The following KATNAL1 variants were observed in gnomAD, a reference collection of about 807,000 sequenced individuals.
The protein encoded by KATNAL1 is katanin catalytic subunit A1 like 1.
Under a neutral mutation model 55.2 loss-of-function variants are expected in KATNAL1, and 32 were observed. The observed-to-expected ratio is 0.58, with a 90% CI of 0.44 to 0.78. The LOEUF (loss-of-function observed/expected upper bound fraction) is 0.78. KATNAL1 is among the 30% of genes least tolerant of loss of function. The pLI is 0.00. For missense variants in KATNAL1, 466 were observed against 600.9 expected, an observed-to-expected ratio of 0.78 and a Z score of 2.35; for synonymous variants, 193 against 193.6, an observed-to-expected ratio of 1.00 and a Z score of 0.02.
chr13:30,212,494 G>A (rs957569115), intron 9 of KATNAL1, among the ~76,000 whole-genome samples: 18 of 152,194 alleles, frequency 1.2e-4, no homozygotes, highest in African/African-American at 3.6e-4. Context: ...AGCTCCAGCC[G>A]AGCTCAGCCT....
intron 3 of KATNAL1, among the ~76,000 whole-genome samples, chr13:30,269,213 C>T (rs1421363479): frequency 6.6e-6 from 1 of 152,242 alleles, no homozygotes; most frequent in Non-Finnish European, 1.5e-5. Context: ...TGCTGAGTGC[C>T]TGCGATTGCA....
intron 4 of KATNAL1, among the ~76,000 whole-genome samples, chr13:30,255,012 C>T (rs1057338867): frequency 1.3e-5 from 2 of 152,292 alleles, no homozygotes; most frequent in Middle Eastern, 3.4e-3. Context: ...TCTTGTTCTA[C>T]TATAATCTAC....
chr13:30,242,422 C>G (rs919416075), intron 4 of KATNAL1, among the ~76,000 whole-genome samples: 1 of 152,168 alleles, frequency 6.6e-6, no homozygotes, highest in Non-Finnish European at 1.5e-5. Context: ...ACGTGCAATA[C>G]ATGCTATTGT....
intron 9 of KATNAL1, among the ~76,000 whole-genome samples, chr13:30,212,823 C>G (rs892468626): frequency 6.6e-6 from 1 of 152,026 alleles, no homozygotes; most frequent in Non-Finnish European, 1.5e-5. Context: ...AAACCATGTC[C>G]CTCAAAATTT....
rs370213563 is a variant in KATNAL1, at chr13:30,306,000, G to T, written c.-15+1331C>A. On this transcript the variant is annotated intron_variant, in intron 1 of 10. Transcript: ENST00000380615. ...GCAACCTCAAGTAAAATTTACACAG[G>T]TCAACTTCATTTTAATTAAGAGAAA... 1.4e-4 allele frequency among the ~76,000 whole-genome samples: 22 copies of T among 152,218 alleles called. No homozygotes were observed. In the East Asian group the frequency reaches 3.9e-3, roughly 27 times the overall value.
intron 3 of KATNAL1, among the ~76,000 whole-genome samples, chr13:30,270,497 A>G (rs1880245537): frequency 6.6e-6 from 1 of 152,224 alleles, no homozygotes; most frequent in Non-Finnish European, 1.5e-5. Flanking sequence ...AAGGTGGGGA[A>G]AAGATTGAGA....
intron 1 of KATNAL1, among the ~76,000 whole-genome samples, chr13:30,286,144 C>A (rs1881769486): frequency 6.6e-6 from 1 of 152,152 alleles, no homozygotes. Flanking sequence ...AAAGAAAAAC[C>A]CATTTTCTGG....
intron 9 of KATNAL1, among the ~76,000 whole-genome samples, chr13:30,224,396 G>A (rs1875225327): frequency 1.3e-5 from 2 of 151,902 alleles, no homozygotes; most frequent in Non-Finnish European, 2.9e-5. Context: ...AATTAGCCAG[G>A]CACAGTGACA....
Position 30,206,432 on chromosome 13 carries a change from C to T in KATNAL1, c.*2108G>A, listed in dbSNP as rs1873156701. On this transcript the variant is annotated 3_prime_UTR_variant, in exon 11 of 11. Transcript: ENST00000380615. ...AGAAACAAGGGAAATAAAAAGCACA[C>T]CTGACTCACTTAACATAGTAAAGTT... The T allele has an allele frequency of 6.6e-6, 1 of 152,070 alleles. No homozygotes were observed. Among genetic ancestry groups the T allele is most frequent in the Admixed American group, 6.5e-5 (1 of 15,274 alleles). The allele number at this position is 152,070 out of a possible 1,614,324, so 9.4% of individuals were successfully genotyped here. A position where few individuals can be genotyped will look rare whatever the true frequency, so the allele number is the denominator to read the frequency against.
At chr13:30,305,961 CCTT>C (rs1883150850) in intron 1 of KATNAL1, among the ~76,000 whole-genome samples, 2 of 152,192 alleles carry the variant, frequency 1.3e-5, no homozygotes, top group Admixed American at 6.5e-5. Context: ...TCCATCTCCT[CCTT>C]GTACAAAATT....
intron 3 of KATNAL1, among the ~76,000 whole-genome samples, chr13:30,279,155 C>T (rs754715393): frequency 2.0e-5 from 3 of 152,188 alleles, no homozygotes; most frequent in Non-Finnish European, 4.4e-5. Flanking sequence ...AAACTCACAT[C>T]CTGATCTAGC....
At chr13:30,298,207 A>G (rs1454357520) in intron 1 of KATNAL1, among the ~76,000 whole-genome samples, 1 of 152,228 alleles carries the variant, frequency 6.6e-6, no homozygotes, top group Non-Finnish European at 1.5e-5. Flanking sequence ...CAAAGCCCAC[A>G]GTATCTCTCA....
intron 3 of KATNAL1, among the ~76,000 whole-genome samples, chr13:30,270,927 TA>T (rs112902595): frequency 0.037 from 4,872 of 132,790 alleles, 187 homozygotes; most frequent in African/African-American, 0.11. Flanking sequence ...AATAATAAAA[TA>T]AAAAAAAAAA....
chr13:30,273,835 G>C lies in KATNAL1; in HGVS notation c.323+6228C>G, dbSNP rs138445523. On this transcript the variant is annotated intron_variant, in intron 3 of 10. Transcript: ENST00000380615. ...GAATCCTAATCTCTCTCAAAGTCTG[G>C]TTCTCATTTCTAACTCCTATTCAAC... Among the ~76,000 whole-genome samples the C allele has an allele frequency of 5.4e-4, 82 of 152,158 alleles. No individual in the cohort carries two copies. The East Asian group carries it at 0.014, about 27-fold the overall frequency.
chr13:30,257,090 A>C (rs1878858589), intron 3 of KATNAL1, among the ~76,000 whole-genome samples: 1 of 152,218 alleles, frequency 6.6e-6, no homozygotes, highest in Admixed American at 6.5e-5. Flanking sequence ...ATAAAATAAA[A>C]ATGTGACGAG....
chr13:30,283,880 T>A, intron 1 of KATNAL1, 89 bp from the exon 2 acceptor site: 1 of 748,704 alleles, frequency 1.3e-6, no homozygotes, highest in South Asian at 2.8e-5. Context: ...AAAACTACTT[T>A]TTTTTTTTTT....
chr13:30,211,718 A>T (rs1873707993), intron 9 of KATNAL1, among the ~76,000 whole-genome samples: 1 of 152,242 alleles, frequency 6.6e-6, no homozygotes, highest in Non-Finnish European at 1.5e-5. Context: ...TAACGGGCAG[A>T]TACCAAAATG....
intron 1 of KATNAL1, among the ~76,000 whole-genome samples, chr13:30,305,126 A>C (rs1352136183): frequency 1.3e-5 from 2 of 152,118 alleles, no homozygotes; most frequent in Non-Finnish European, 2.9e-5. Context: ...TTATCTTTCT[A>C]AAATACAAAT....
intron 1 of KATNAL1, chr13:30,296,239 A>AAGG: frequency 1.8e-6 from 2 of 1,085,216 alleles, no homozygotes; most frequent in South Asian, 3.1e-5. Flanking sequence ...TGAAGCTGTC[A>AAGG]GACTACAAAG....
Sources: allele counts gnomAD v4.1 joint callset (sites outside exome capture counted in the v4.1 genomes callset), GRCh38; gene constraint gnomAD v4.1.1; transcripts MANE v1.5; gene names NCBI Gene and HGNC (gene_info 2026-07-23, HGNC 2026-07-21).